The following CLEC4D variants were observed in gnomAD, a reference collection of about 807,000 sequenced individuals.
CLEC4D encodes the protein C-type (calcium dependent, carbohydrate-recognition domain) lectin, superfamily member 8.
CLEC4D carries 21 observed loss-of-function variants against 21.1 expected under a neutral mutation model. That is an observed-to-expected ratio of 1.00 (90% CI 0.71 to 1.43). CLEC4D has a LOEUF of 1.43. Among genes scored for constraint, CLEC4D ranks in the 40% most tolerant of loss-of-function variants. The pLI, the probability that CLEC4D is intolerant of heterozygous loss-of-function variation, is 0.00. For synonymous variants in CLEC4D, 85 were observed against 83.1 expected (o/e 1.02, Z -0.12); for missense variants, 289 against 260.7 (o/e 1.11, Z -0.75).
chr12:8,518,260 T>C lies in CLEC4D; in HGVS notation c.218T>C (p.Leu73Pro), dbSNP rs111618025. The C allele has an allele frequency of 5.0e-5, 59 of 1,189,162 alleles. No individual in the cohort carries two copies. In the Admixed American group the frequency reaches 5.6e-4, roughly 11 times the overall value. The allele number at this position is 1,189,162 out of a possible 1,614,324, so 73.7% of individuals were successfully genotyped here. A position where few individuals can be genotyped will look rare whatever the true frequency, so the allele number is the denominator to read the frequency against. The change falls in exon 3 of 6, where the codon CTG (leucine) becomes CCG (proline). Residue 73 changes from leucine (L) to proline (P), a missense_variant. Physicochemically the swap from Leu to Pro is moderately conservative, Grantham distance 98 (BLOSUM62 -3). Transcript: ENST00000299665. ...AAATGCATCAAAGAGAAATCAGAAC[T>C]GAAAAGTGCTGAAGGTACAGAGTGT... ...KLKCIKEKSE[L>P]KSAEGSTWNC...
the CLEC4D span, among the ~76,000 whole-genome samples, chr12:8,528,160 G>A: frequency 6.6e-6 from 1 of 152,100 alleles, no homozygotes; most frequent in African/African-American, 2.4e-5. Flanking sequence ...AGATAATGAG[G>A]GTTCTATCCT....
At chr12:8,523,375 A>G (rs1185289250), downstream of CLEC4D, among the ~76,000 whole-genome samples, 17 of 152,060 alleles carry the variant, frequency 1.1e-4, no homozygotes, top group Admixed American at 1.1e-3. Context: ...TATTTCTTTG[A>G]GCAGTGGTTT....
rs899296315 is a variant in CLEC4D at position 8,513,674 on chromosome 12, GA to G, written c.-51del. On this transcript the variant is annotated 5_prime_UTR_variant, in exon 1 of 6. An upstream open reading frame in the 5' UTR loses its in-frame stop. Transcript: ENST00000299665. ...CTATCCACAGAAATATACTCTGGGG[GA>G]AAAAAAATAGAACAAATTCTTGCCG... The G allele has an allele frequency of 1.2e-4, 102 of 845,072 alleles. No homozygotes were observed. The highest frequency in any genetic ancestry group is 1.8e-4 in the South Asian group (13 of 72,694). The allele number at this position is 845,072 out of a possible 1,614,324, so 52.3% of individuals were successfully genotyped here. A position where few individuals can be genotyped will look rare whatever the true frequency, so the allele number is the denominator to read the frequency against.
chr12:8,526,846 C>G (rs915037758), downstream of CLEC4D, among the ~76,000 whole-genome samples: 1 of 152,086 alleles, frequency 6.6e-6, no homozygotes, highest in African/African-American at 2.4e-5. Context: ...GTCTTTGAGG[C>G]TGCTGACCCT....
At chr12:8,530,979 A>G in the CLEC4D span, among the ~76,000 whole-genome samples, 1 of 152,198 alleles carries the variant, frequency 6.6e-6, no homozygotes, top group African/African-American at 2.4e-5. Flanking sequence ...CCTGTGCTGA[A>G]TGACCTGTGT....
Position 8,521,178 on chromosome 12 carries a change from T to C in CLEC4D, c.555T>C (p.Leu185=). 6.2e-7 allele frequency: 1 copy of C among 1,613,714 alleles called. No homozygotes were observed. The highest frequency in any genetic ancestry group is 8.5e-7 in the Non-Finnish European group (1 of 1,179,712). Residue 185 remains leucine, a synonymous_variant, in exon 6 of 6, where the codon CTT becomes CTC. Transcript: ENST00000299665. ...CTCAGGGAGAAAACTGTGTTGTTCT[T>C]GTTTATAACCAAGATAAATGGGCCT... ...DNSQGENCVV[L]VYNQDKWAWN... is the part of the protein sequence containing the mutation.
chr12:8,522,835 A>C (rs1183721268), downstream of CLEC4D, among the ~76,000 whole-genome samples: 1 of 152,124 alleles, frequency 6.6e-6, no homozygotes, highest in Non-Finnish European at 1.5e-5. Context: ...TTTGGGTTTT[A>C]CATTTAAGTC....
downstream of CLEC4D, among the ~76,000 whole-genome samples, chr12:8,523,320 T>C (rs1381218690): frequency 6.6e-6 from 1 of 152,236 alleles, no homozygotes; most frequent in Non-Finnish European, 1.5e-5. Flanking sequence ...TGATTCTTCC[T>C]ATCCATGAAG....
At chr12:8,523,540 T>C (rs1251489625), downstream of CLEC4D, among the ~76,000 whole-genome samples, 1 of 152,218 alleles carries the variant, frequency 6.6e-6, no homozygotes, top group Non-Finnish European at 1.5e-5. Flanking sequence ...TTTTTTCACA[T>C]TGATTTTGTA....
chr12:8,529,927 A>C, the CLEC4D span, among the ~76,000 whole-genome samples: 10 of 152,220 alleles, frequency 6.6e-5, no homozygotes, highest in African/African-American at 2.4e-4. Context: ...ATAGAAAAGA[A>C]GCATCTAAAC....
the CLEC4D span, among the ~76,000 whole-genome samples, chr12:8,530,459 C>CAAAAAA: frequency 1.1e-5 from 1 of 87,360 alleles, no homozygotes; most frequent in Non-Finnish European, 2.4e-5. Flanking sequence ...ATCAAGAAAG[C>CAAAAAA]AAAAAAAAAA....
At chr12:8,530,880 A>G in the CLEC4D span, among the ~76,000 whole-genome samples, 12 of 152,332 alleles carry the variant, frequency 7.9e-5, no homozygotes, top group African/African-American at 2.9e-4. Flanking sequence ...TGGCAATACA[A>G]TTCTAAGATA....
chr12:8,518,199 A>T lies in CLEC4D; in HGVS notation c.157A>T (p.Thr53Ser). ...HHNFSRCKRG[T>S]GVHKLEHHAK... is the part of the protein sequence containing the mutation. ...CAACTTTTCACGCTGTAAGAGAGGC[A>T]CAGGAGTGCACAAGTTAGAGCACCA... The change falls in exon 3 of 6, where the codon ACA becomes TCA. Residue 53 changes from threonine to serine, a missense_variant. By Grantham distance (58) the Thr-to-Ser change is moderately conservative. Transcript: ENST00000299665. The T allele has an allele frequency of 7.1e-7, 1 of 1,409,062 alleles. No homozygotes were observed. The highest frequency in any genetic ancestry group is 1.0e-6 in the Non-Finnish European group (1 of 993,120). 87.3% of individuals were successfully genotyped at this position (1,409,062 alleles called of 1,614,324 possible). A position where few individuals can be genotyped will look rare whatever the true frequency, so the allele number is the denominator to read the frequency against.
chr12:8,520,868 T>C (rs966566744), intron 5 of CLEC4D, among the ~76,000 whole-genome samples: 1 of 152,200 alleles, frequency 6.6e-6, no homozygotes, highest in South Asian at 2.1e-4. Context: ...ACTGAGGTCT[T>C]TGACATTCTT....
At chr12:8,518,862 TCTTTTGGTA>T in intron 3 of CLEC4D, 138 bp from the exon 4 acceptor site, 1 of 1,365,586 alleles carries the variant, frequency 7.3e-7, no homozygotes. Context: ...ATTTTCAGGA[TCTTTTGGTA>T]GGAGAACAGA....
chr12:8,528,841 A>C, the CLEC4D span, among the ~76,000 whole-genome samples: 1 of 151,672 alleles, frequency 6.6e-6, no homozygotes, highest in Non-Finnish European at 1.5e-5. Flanking sequence ...TACTACATAT[A>C]AAGTGTATAA....
chr12:8,513,860 C>A, intron 1 of CLEC4D, 100 bp downstream of exon 1: 2 of 699,600 alleles, frequency 2.9e-6, no homozygotes, highest in Non-Finnish European at 5.1e-6. Flanking sequence ...TTGATGATGA[C>A]GGGGAGAAGG....
chr12:8,517,684 C>A (rs1374157170), intron 2 of CLEC4D, among the ~76,000 whole-genome samples: 4 of 152,132 alleles, frequency 2.6e-5, no homozygotes, highest in African/African-American at 9.7e-5. Context: ...CGGTGGCTCA[C>A]GCCTGTAATC....
the CLEC4D span, among the ~76,000 whole-genome samples, chr12:8,530,044 A>G: frequency 6.6e-6 from 1 of 152,218 alleles, no homozygotes; most frequent in Non-Finnish European, 1.5e-5. Flanking sequence ...CAATGTGCAT[A>G]TATGTACATA....
Sources: allele counts gnomAD v4.1 joint callset (sites outside exome capture counted in the v4.1 genomes callset), GRCh38; gene constraint gnomAD v4.1.1; transcripts MANE v1.5; gene names NCBI Gene and HGNC (gene_info 2026-07-23, HGNC 2026-07-21).